The following PCDHGA12 variants were observed in gnomAD, a reference collection of about 807,000 sequenced individuals.
PCDHGA12 encodes the protein protocadherin gamma-A12.
Under a neutral mutation model 61.1 loss-of-function variants are expected in PCDHGA12, and 43 were observed. That is an observed-to-expected ratio of 0.70 (90% CI 0.55 to 0.91). The LOEUF (loss-of-function observed/expected upper bound fraction) is 0.91. Ranked by LOEUF, PCDHGA12 falls within the 40% of genes least tolerant of loss-of-function variation. The pLI is 0.00. For synonymous variants in PCDHGA12, 520 were observed against 542.9 expected (o/e 0.96, Z 0.59); for missense variants, 1,236 against 1,227.7 (o/e 1.01, Z -0.10).
chr5:141,449,078 C>T (rs1342751417), intron 1 of PCDHGA12, among the ~76,000 whole-genome samples: 1 of 152,052 alleles, frequency 6.6e-6, no homozygotes, highest in Non-Finnish European at 1.5e-5. Flanking sequence ...AGCCCTGTAC[C>T]TACATCAGTT....
Position 141,490,066 on chromosome 5 carries a change from C to G in PCDHGA12, c.2425-4741C>G. ...TGATCCAGACGAGGGCACCAACGGC[C>G]AACTAGACTATTCTTTTGGAGACCA... On this transcript the variant is annotated intron_variant, in intron 1 of 3. Coordinates refer to ENST00000252085, the MANE Select transcript of PCDHGA12 (RefSeq NM_003735.3). The surrounding 1 kb of genome is among the most constrained non-coding windows in gnomAD (Gnocchi z 5.4). The G allele has an allele frequency of 1.2e-6, 2 of 1,614,248 alleles. No individual in the cohort carries two copies. Among genetic ancestry groups the G allele is most frequent in the Non-Finnish European group, 1.7e-6 (2 of 1,180,034 alleles).
chr5:141,472,865 A>G (rs1329594490), intron 1 of PCDHGA12, among the ~76,000 whole-genome samples: 3 of 149,558 alleles, frequency 2.0e-5, no homozygotes, highest in Non-Finnish European at 4.5e-5. Flanking sequence ...ACATGCCTGT[A>G]TTCCCAGCTA....
chr5:141,480,414 CAA>C (rs10712552), intron 1 of PCDHGA12, among the ~76,000 whole-genome samples: 346 of 147,498 alleles, frequency 2.3e-3, no homozygotes, highest in African/African-American at 8.3e-3. Flanking sequence ...GACCCTGTCT[CAA>C]AAAAAAAAAT....
rs757924501 is a variant in PCDHGA12, at chr5:141,490,548, A to G, written c.2425-4259A>G. 1.2e-6 allele frequency: 2 copies of G among 1,614,084 alleles called. No individual in the cohort carries two copies. Among genetic ancestry groups the G allele is most frequent in the South Asian group, 2.2e-5 (2 of 91,080 alleles). ...ATGCTGGTTCACCTTCCCTACACAA[A>G]CATCTCACCATCAGGCTCAACATTT... On this transcript the variant is annotated intron_variant, in intron 1 of 3. Transcript: ENST00000252085. This position sits in a 1 kb window ranked among gnomAD's most constrained non-coding sequence, Gnocchi z 5.4.
At chr5:141,433,655 G>T (rs1227358856) in intron 1 of PCDHGA12, among the ~76,000 whole-genome samples, 2 of 152,036 alleles carry the variant, frequency 1.3e-5, no homozygotes, top group Non-Finnish European at 1.5e-5. Flanking sequence ...GACCAACATG[G>T]AGAAACCCCG....
At chr5:141,501,333 A>C (rs200092587) in intron 2 of PCDHGA12, among the ~76,000 whole-genome samples, 397 of 140,104 alleles carry the variant, frequency 2.8e-3, no homozygotes, top group Non-Finnish European at 2.6e-3. Flanking sequence ...ACACACACAC[A>C]CCCCAAACTC....
rs1561863583 is a variant in PCDHGA12, at chr5:141,432,685, C to A, written c.1926C>A (p.Leu642=). Reference sequence around the variant, plus strand: ...ACAGAGACGCGCTCAAGCAGAGCCTCGTAGTGGCCGTCCAGGACCACGGCC... The same window carrying A: ...ACAGAGACGCGCTCAAGCAGAGCCTAGTAGTGGCCGTCCAGGACCACGGCC... The part of the protein sequence containing the change: ...LLDRDALKQS[L]VVAVQDHGQP... Residue 642 remains leucine, a synonymous_variant, in exon 1 of 4, where the codon CTC becomes CTA. Transcript: ENST00000252085. The surrounding 1 kb of genome is among the most constrained non-coding windows in gnomAD (Gnocchi z 6.0). 3.7e-6 allele frequency: 6 copies of A among 1,613,932 alleles called. No individual in the cohort carries two copies. Among genetic ancestry groups the A allele is most frequent in the Non-Finnish European group, 5.1e-6 (6 of 1,179,966 alleles).
At chr5:141,500,256 T>C (rs1045685908) in intron 2 of PCDHGA12, among the ~76,000 whole-genome samples, 1 of 151,676 alleles carries the variant, frequency 6.6e-6, no homozygotes, top group Non-Finnish European at 1.5e-5. Flanking sequence ...TCACCCAGGC[T>C]GGACTGCAGT....
At chr5:141,442,049 C>A in intron 1 of PCDHGA12, 2 of 202,550 alleles carry the variant, frequency 9.9e-6, no homozygotes, top group South Asian at 1.3e-4. Flanking sequence ...GCCTACTGGT[C>A]GCGGTGCACT....
At position 141,505,394 on chromosome 5, in the gene PCDHGA12, T is replaced by C; in HGVS notation, c.2485T>C (p.Ser829Pro). 6.2e-7 allele frequency: 1 copy of C among 1,614,110 alleles called. No homozygotes were observed. The highest frequency in any genetic ancestry group is 8.5e-7 in the Non-Finnish European group (1 of 1,180,002). The part of the protein sequence containing the change: ...SQAQRPGTSG[S>P]QNGDDTGTWP... ...CTCACCATCCTACTCTCTCCCCAGC[T>C]CCCAAAATGGCGATGACACCGGCAC... Residue 829 changes from serine (S) to proline (P), a missense_variant and splice_region_variant, in exon 3 of 4, where the codon TCC becomes CCC. By Grantham distance (74) the Ser-to-Pro change is moderately conservative. Coordinates refer to ENST00000252085, the MANE Select transcript of PCDHGA12 (RefSeq NM_003735.3).
intron 1 of PCDHGA12, among the ~76,000 whole-genome samples, chr5:141,472,213 C>T (rs1294676431): frequency 2.0e-5 from 3 of 152,178 alleles, no homozygotes; most frequent in African/African-American, 7.2e-5. Flanking sequence ...TAAGACCTTA[C>T]TCTCGATCAT....
rs2099883887 is a variant in PCDHGA12, at chr5:141,511,641, ACC to A, written c.*469_*470del. 4.4e-6 allele frequency: 1 copy of A among 224,930 alleles called. No homozygotes were observed. Among genetic ancestry groups the A allele is most frequent in the Non-Finnish European group, 9.1e-6 (1 of 110,428 alleles). 13.9% of individuals were successfully genotyped at this position (224,930 alleles called of 1,614,324 possible). A position where few individuals can be genotyped will look rare whatever the true frequency, so the allele number is the denominator to read the frequency against. ...TCTGAAAAGTTGGAAGGGCATCATG[ACC>A]TCTTGGCCTCTCCTTTGATTCTCAA... On this transcript the variant is annotated 3_prime_UTR_variant, in exon 4 of 4. Coordinates refer to ENST00000252085, the MANE Select transcript of PCDHGA12 (RefSeq NM_003735.3).
In PCDHGA12 at chr5:141,438,621, TATATATATATATATACACAC is replaced by T. The variant is rs1185208192; in HGVS notation, c.2424+5440_2424+5459del. Among the ~76,000 whole-genome samples, 212 of 41,372 alleles carry T rather than the reference TATATATATATATATACACAC, an allele frequency of 5.1e-3. 1 individual carries two copies. The highest frequency in any genetic ancestry group is 0.03 in the African/African-American group (177 of 5,808). 27.1% of individuals were successfully genotyped at this position (41,372 alleles called of 152,430 possible). On this transcript the variant is annotated intron_variant, in intron 1 of 3. Transcript: ENST00000252085. ...ATATATATATATATATATATATATA[TATATATATATATATACACAC>T]ACACACACACATATATGTATATATA...
rs750401937 is a variant in PCDHGA12 at position 141,487,357 on chromosome 5, T to G, written c.2425-7450T>G. 5.0e-6 allele frequency: 8 copies of G among 1,614,212 alleles called. No homozygotes were observed. The highest frequency in any genetic ancestry group is 6.8e-6 in the Non-Finnish European group (8 of 1,180,032). ...CCTGTGGAGTCACATGCTTTCCTGC[T>G]GGCACCTGTGCCTGTCTCACCAGAT... On this transcript the variant is annotated intron_variant, in intron 1 of 3. Transcript: ENST00000252085. This position sits in a 1 kb window ranked among gnomAD's most constrained non-coding sequence, Gnocchi z 5.0.
chr5:141,466,977 C>T (rs2099133275), intron 1 of PCDHGA12, among the ~76,000 whole-genome samples: 1 of 151,786 alleles, frequency 6.6e-6, no homozygotes. Flanking sequence ...CACAGCTCAT[C>T]ATTTACCTTT....
chr5:141,450,119 G>A (rs765403319), intron 1 of PCDHGA12, among the ~76,000 whole-genome samples: 2 of 148,920 alleles, frequency 1.3e-5, no homozygotes, highest in Non-Finnish European at 3.0e-5. Context: ...TGATTCTCCT[G>A]CCTTAGCCTC....
chr5:141,495,449 GCT>G (rs560850951), intron 2 of PCDHGA12, among the ~76,000 whole-genome samples: 3 of 152,194 alleles, frequency 2.0e-5, no homozygotes, highest in Non-Finnish European at 2.9e-5. Flanking sequence ...TACTTGTCCT[GCT>G]CTCTGTCTGT....
intron 1 of PCDHGA12, chr5:141,441,346 G>A (rs1265971154): frequency 2.0e-5 from 3 of 152,340 alleles, no homozygotes; most frequent in African/African-American, 7.2e-5. Context: ...TTAACTACAT[G>A]CTTGTAACAA....
intron 1 of PCDHGA12, chr5:141,478,305 C>A (rs775282798): frequency 1.2e-6 from 2 of 1,613,974 alleles, no homozygotes; most frequent in Non-Finnish European, 8.5e-7. Flanking sequence ...TACCGAGCCC[C>A]GGTGAGCTCA....
Sources: allele counts gnomAD v4.1 joint callset (sites outside exome capture counted in the v4.1 genomes callset), GRCh38; gene constraint gnomAD v4.1.1; non-coding constraint Gnocchi (gnomAD v3.1); transcripts MANE v1.5; gene names NCBI Gene and HGNC (gene_info 2026-07-23, HGNC 2026-07-21).